MECOM: variants seen among roughly 807,000 people sequenced by gnomAD.
MECOM encodes the protein MDS1 and EVI1 complex locus.
MECOM carries 13 observed loss-of-function variants against 116.3 expected under a neutral mutation model. That is an observed-to-expected ratio of 0.11 (90% CI 0.07 to 0.18). The LOEUF is 0.18. Ranked by LOEUF, MECOM falls within the 10% of genes least tolerant of loss-of-function variation. The pLI, the probability that MECOM is intolerant of heterozygous loss-of-function variation, is 1.00. For synonymous variants in MECOM, 528 were observed against 535.2 expected, an observed-to-expected ratio of 0.99 and a Z score of 0.19; for missense variants, 1,299 against 1,509.0, an observed-to-expected ratio of 0.86 and a Z score of 2.31.
intron 2 of MECOM, among the ~76,000 whole-genome samples, chr3:169,319,174 C>T (rs1190817756): frequency 6.6e-6 from 1 of 151,774 alleles, no homozygotes; most frequent in East Asian, 1.9e-4. Flanking sequence ...TGGAAACAAC[C>T]CAAATGCCCA....
intron 2 of MECOM, among the ~76,000 whole-genome samples, chr3:169,252,895 C>T (rs1429168001): frequency 2.0e-5 from 3 of 152,270 alleles, no homozygotes; most frequent in African/African-American, 2.4e-5. Flanking sequence ...AAAACCAAAA[C>T]CATATTTTGC....
intron 1 of MECOM, among the ~76,000 whole-genome samples, chr3:169,493,806 C>T (rs994872093): frequency 6.6e-6 from 1 of 151,920 alleles, no homozygotes; most frequent in African/African-American, 2.4e-5. Context: ...CTGTTGAAAG[C>T]CTAACAAGAT....
intron 2 of MECOM, among the ~76,000 whole-genome samples, chr3:169,187,608 T>G (rs771390716): frequency 5.3e-5 from 8 of 152,060 alleles, no homozygotes; most frequent in Non-Finnish European, 8.8e-5. Context: ...TATATTAAAC[T>G]AATTCCCTGG....
intron 1 of MECOM, among the ~76,000 whole-genome samples, chr3:169,614,123 TTC>T (rs1553899413): frequency 6.7e-6 from 1 of 149,750 alleles, no homozygotes. Flanking sequence ...TCTTTTTTTT[TTC>T]TCTCTCTCTC....
intron 2 of MECOM, among the ~76,000 whole-genome samples, chr3:169,294,166 G>A (rs962732097): frequency 1.3e-5 from 2 of 151,794 alleles, no homozygotes; most frequent in African/African-American, 2.4e-5. Flanking sequence ...TTTTTTTTAA[G>A]TTGTTGTATT....
chr3:169,561,091 T>A (rs1576883674), intron 1 of MECOM, among the ~76,000 whole-genome samples: 1 of 151,584 alleles, frequency 6.6e-6, no homozygotes, highest in African/African-American at 2.4e-5. Context: ...ATCAGAAAAA[T>A]TTTAATTAAA....
At chr3:169,306,609 A>G (rs1272476657) in intron 2 of MECOM, among the ~76,000 whole-genome samples, 1 of 152,200 alleles carries the variant, frequency 6.6e-6, no homozygotes, top group Non-Finnish European at 1.5e-5. Flanking sequence ...TGAACCTGAG[A>G]GACAGAGGTT....
chr3:169,427,573 T>C (rs1256924281), intron 1 of MECOM, among the ~76,000 whole-genome samples: 1 of 152,228 alleles, frequency 6.6e-6, no homozygotes, highest in Non-Finnish European at 1.5e-5. Flanking sequence ...ACTGGTGAAC[T>C]TGATGTGGTG....
In MECOM at chr3:169,289,700, A is replaced by G. The variant is rs538405692; in HGVS notation, c.375+91487T>C. Among the ~76,000 whole-genome samples the G allele has an allele frequency of 2.8e-4, 42 of 152,326 alleles. No homozygotes were observed. In the South Asian group the frequency reaches 8.7e-3, roughly 32 times the overall value. On this transcript the variant is annotated intron_variant, in intron 2 of 16. Coordinates refer to ENST00000651503, the MANE Select transcript of MECOM (RefSeq NM_004991.4). ...AATGATTACCACTTGGCTAAAAAAAATTAACTCCTGATGAGTTTTGTAGTG... is the reference window on the plus strand; with the variant it reads ...AATGATTACCACTTGGCTAAAAAAAGTTAACTCCTGATGAGTTTTGTAGTG...
chr3:169,232,178 C>T (rs552135484), intron 2 of MECOM, among the ~76,000 whole-genome samples: 2 of 152,214 alleles, frequency 1.3e-5, no homozygotes, highest in South Asian at 4.1e-4. Context: ...GAATTTCTCA[C>T]GTTTCTCTTA....
intron 1 of MECOM, among the ~76,000 whole-genome samples, chr3:169,385,317 C>G (rs1419904282): frequency 2.0e-5 from 3 of 152,134 alleles, no homozygotes; most frequent in Non-Finnish European, 4.4e-5. Context: ...TGCAATTCTG[C>G]TTACAATGAC....
intron 1 of MECOM, among the ~76,000 whole-genome samples, chr3:169,493,935 C>CAT (rs3044761): frequency 0.45 from 68,485 of 151,580 alleles, 16,157 homozygotes; most frequent in Middle Eastern, 0.53. Context: ...CTGACAGTAA[C>CAT]GTGGTTAAAT....
At chr3:169,484,396 AT>A (rs145579012) in intron 1 of MECOM, among the ~76,000 whole-genome samples, 10,731 of 152,262 alleles carry the variant, frequency 0.07, 642 homozygotes, top group East Asian at 0.25. Context: ...GGAGAAAAAA[AT>A]TTAAATATCA....
intron 1 of MECOM, among the ~76,000 whole-genome samples, chr3:169,658,715 G>A (rs1242029567): frequency 2.0e-5 from 3 of 152,194 alleles, no homozygotes; most frequent in East Asian, 1.9e-4. Flanking sequence ...AGCACCAGAC[G>A]GTTTTGAGAT....
intron 1 of MECOM, among the ~76,000 whole-genome samples, chr3:169,648,632 G>A (rs1774472494): frequency 6.6e-6 from 1 of 152,222 alleles, no homozygotes; most frequent in South Asian, 2.1e-4. Flanking sequence ...TGGAACATTG[G>A]CTTGGATGCA....
intron 2 of MECOM, among the ~76,000 whole-genome samples, chr3:169,295,993 C>T (rs890607079): frequency 6.6e-6 from 1 of 152,184 alleles, no homozygotes; most frequent in African/African-American, 2.4e-5. Flanking sequence ...AACCAACTGA[C>T]CTTGCTCTGG....
At chr3:169,097,325 G>A (rs571445447) in intron 12 of MECOM, among the ~76,000 whole-genome samples, 2 of 152,004 alleles carry the variant, frequency 1.3e-5, no homozygotes, top group African/African-American at 4.8e-5. Flanking sequence ...TCTCTCCTCT[G>A]CTAAAGTCTT....
chr3:169,534,408 C>G (rs1270523259), intron 1 of MECOM, among the ~76,000 whole-genome samples: 1 of 152,084 alleles, frequency 6.6e-6, no homozygotes, highest in Non-Finnish European at 1.5e-5. Flanking sequence ...ACTGATTTTC[C>G]CAGGACAGTT....
intron 9 of MECOM, 43 bp downstream of exon 9, chr3:169,112,744 A>G: frequency 1.4e-6 from 2 of 1,454,242 alleles, no homozygotes; most frequent in Non-Finnish European, 1.9e-6. Context: ...CAGGATCAAC[A>G]AGTTAGTTTA....
Sources: allele counts gnomAD v4.1 joint callset (sites outside exome capture counted in the v4.1 genomes callset), GRCh38; gene constraint gnomAD v4.1.1; transcripts MANE v1.5; gene names NCBI Gene and HGNC (gene_info 2026-07-23, HGNC 2026-07-21).